The following MYO16 variants were observed in gnomAD, a reference collection of about 807,000 sequenced individuals.
MYO16 encodes unconventional myosin-XVI.
In MYO16, 94 loss-of-function variants were observed where a neutral mutation model predicts 205.3. The observed-to-expected ratio is 0.46, with a 90% CI of 0.39 to 0.54. MYO16 has a LOEUF of 0.54. Among genes scored for constraint, MYO16 ranks in the 20% least tolerant of loss-of-function variants. The pLI is 0.00. For synonymous variants in MYO16, 988 were observed against 954.0 expected (o/e 1.04, Z -0.66); for missense variants, 2,315 against 2,387.5 (o/e 0.97, Z 0.63).
chr13:109,124,463 T>C (rs962165559), intron 29 of MYO16, among the ~76,000 whole-genome samples: 6 of 152,230 alleles, frequency 3.9e-5, no homozygotes, highest in African/African-American at 1.4e-4. Flanking sequence ...TAGAGTGTCT[T>C]ACAGAGGTCC....
At chr13:109,050,139 T>G (rs1341581276) in intron 24 of MYO16, among the ~76,000 whole-genome samples, 1 of 152,122 alleles carries the variant, frequency 6.6e-6, no homozygotes, top group African/African-American at 2.4e-5. Context: ...CATATAAAGT[T>G]TTACCAATTG....
In MYO16 at chr13:108,666,269, T is replaced by A. The variant is rs1881725961; in HGVS notation, c.292+120T>A. The stretch of plus-strand genomic sequence containing the variant: ...AAAAGTCCTTTTAAATATTGGAGGC[T>A]ACTATCTTTTAACTGTTTGTATTAT... On this transcript the variant is annotated intron_variant, in intron 2 of 34. Transcript: ENST00000457511. 7 of 1,133,450 alleles carry A rather than the reference T, an allele frequency of 6.2e-6. No homozygotes were observed. In the South Asian group the frequency reaches 1.2e-4, roughly 19 times the overall value. 70.2% of individuals were successfully genotyped at this position (1,133,450 alleles called of 1,614,324 possible).
chr13:108,677,571 G>T (rs1882286243), intron 2 of MYO16, among the ~76,000 whole-genome samples: 1 of 151,464 alleles, frequency 6.6e-6, no homozygotes, highest in Non-Finnish European at 1.5e-5. Context: ...TATATTTTAG[G>T]GAAGGGGGAA....
the MYO16 span, among the ~76,000 whole-genome samples, chr13:108,556,252 C>T: frequency 5.3e-5 from 8 of 152,068 alleles, no homozygotes; most frequent in Admixed American, 2.6e-4. Context: ...AATTTGTATT[C>T]CCACCAACAG....
chr13:108,666,180 T>C (rs777740347), intron 2 of MYO16, 31 bp downstream of exon 2: 2 of 1,557,510 alleles, frequency 1.3e-6, no homozygotes, highest in Non-Finnish European at 1.7e-6. Flanking sequence ...ACCCGTTTTC[T>C]GATGTGATTT....
chr13:108,648,068 C>T (rs1880832274), intron 1 of MYO16, among the ~76,000 whole-genome samples: 1 of 152,136 alleles, frequency 6.6e-6, no homozygotes, highest in Non-Finnish European at 1.5e-5. Flanking sequence ...TTAAAGTCTC[C>T]CTTTCATCAT....
At chr13:108,794,507 G>A (rs946441937) in intron 6 of MYO16, among the ~76,000 whole-genome samples, 1 of 152,130 alleles carries the variant, frequency 6.6e-6, no homozygotes, top group African/African-American at 2.4e-5. Flanking sequence ...TTTCATTTTA[G>A]TGTTCAGTAA....
chr13:109,203,605 G>A (rs776158323), intron 34 of MYO16, among the ~76,000 whole-genome samples: 6 of 152,034 alleles, frequency 3.9e-5, no homozygotes, highest in African/African-American at 7.2e-5. Context: ...CTTTCATTGC[G>A]AGGTCTTTGT....
chr13:108,976,990 T>C (rs1425695922), intron 20 of MYO16, among the ~76,000 whole-genome samples: 1 of 152,192 alleles, frequency 6.6e-6, no homozygotes, highest in African/African-American at 2.4e-5. Context: ...AGATACATTT[T>C]TCCCCTTCCC....
chr13:109,091,609 G>T (rs4773027), intron 27 of MYO16, among the ~76,000 whole-genome samples: 5 of 152,096 alleles, frequency 3.3e-5, no homozygotes, highest in Non-Finnish European at 7.3e-5. Flanking sequence ...CAGCACTGGC[G>T]ACCGCATTTC....
In MYO16 at chr13:109,125,106, T is replaced by C. The variant is rs1408265794; in HGVS notation, c.3536-6T>C. 1 of 1,613,918 alleles carries C rather than the reference T, an allele frequency of 6.2e-7. No individual in the cohort carries two copies. Among genetic ancestry groups the C allele is most frequent in the Non-Finnish European group, 8.5e-7 (1 of 1,179,912 alleles). The stretch of plus-strand genomic sequence containing the variant: ...CATTTACTAACCCATGATCCTTCTA[T>C]AAAAGTTATCAGAGGATTTTTAGCA... On this transcript the variant is annotated splice_polypyrimidine_tract_variant and splice_region_variant and intron_variant, in intron 29 of 34. Transcript: ENST00000457511. The surrounding 1 kb of genome is among the most constrained non-coding windows in gnomAD (Gnocchi z 4.0).
chr13:108,838,237 ATGT>A (rs1408063893), intron 9 of MYO16, among the ~76,000 whole-genome samples: 3 of 152,128 alleles, frequency 2.0e-5, no homozygotes, highest in Non-Finnish European at 4.4e-5. Context: ...ACACTTTATA[ATGT>A]TGTTGTGAAA....
rs77792932 is a variant in MYO16 at position 109,021,814 on chromosome 13, C to T, written c.2796+1903C>T. ...TTGTCCTCTTAACACTGTTAACTCACGAAGTATTTTTAGACAAAGTAGGAA... is the reference window on the plus strand; with the variant it reads ...TTGTCCTCTTAACACTGTTAACTCATGAAGTATTTTTAGACAAAGTAGGAA... On this transcript the variant is annotated intron_variant, in intron 23 of 34. Transcript: ENST00000457511. Among the ~76,000 whole-genome samples, 710 of 151,664 alleles carry T rather than the reference C, an allele frequency of 4.7e-3. 5 individuals are homozygous for T. The highest frequency in any genetic ancestry group is 0.016 in the African/African-American group (678 of 41,344).
chr13:109,141,527 C>G lies in MYO16; in HGVS notation c.5164+151C>G, dbSNP rs1193819379. Reference sequence around the variant, plus strand: ...GCAGATATCAGCTTTAAAAAAAAATCGTATACACCCACTGTGACCAAATAG... The same window carrying G: ...GCAGATATCAGCTTTAAAAAAAAATGGTATACACCCACTGTGACCAAATAG... On this transcript the variant is annotated intron_variant, in intron 32 of 34. Transcript: ENST00000457511. The surrounding 1 kb of genome is among the most constrained non-coding windows in gnomAD (Gnocchi z 4.1). The G allele has an allele frequency of 8.0e-6, 4 of 497,120 alleles. No homozygotes were observed. Among genetic ancestry groups the G allele is most frequent in the Non-Finnish European group, 1.3e-5 (4 of 298,868 alleles). 30.8% of individuals were successfully genotyped at this position (497,120 alleles called of 1,614,324 possible). A position where few individuals can be genotyped will look rare whatever the true frequency, so the allele number is the denominator to read the frequency against.
chr13:108,658,343 C>T (rs917873442), intron 1 of MYO16, among the ~76,000 whole-genome samples: 10 of 151,442 alleles, frequency 6.6e-5, no homozygotes, highest in African/African-American at 2.4e-4. Flanking sequence ...TCACGTCTTT[C>T]TTCACCTTTC....
intron 32 of MYO16, among the ~76,000 whole-genome samples, chr13:109,153,552 A>G (rs1877803637): frequency 6.6e-6 from 1 of 152,138 alleles, no homozygotes; most frequent in South Asian, 2.1e-4. Context: ...TGAGGTCAGG[A>G]GTTTGTGATC....
intron 2 of MYO16, among the ~76,000 whole-genome samples, chr13:108,690,626 A>C (rs1392053490): frequency 6.6e-6 from 1 of 152,154 alleles, no homozygotes; most frequent in African/African-American, 2.4e-5. Context: ...TTTCTGTTTT[A>C]AAGTTGGCAG....
At chr13:109,087,597 G>A (rs1460966737) in intron 27 of MYO16, among the ~76,000 whole-genome samples, 1 of 152,186 alleles carries the variant, frequency 6.6e-6, no homozygotes, top group East Asian at 1.9e-4. Context: ...AGTGAGCCGA[G>A]ATTGTGCCAC....
chr13:108,881,103 G>A (rs560829583), intron 12 of MYO16, among the ~76,000 whole-genome samples: 2 of 152,260 alleles, frequency 1.3e-5, no homozygotes, highest in Admixed American at 1.3e-4. Context: ...CCAGAGGAAG[G>A]ATCAGGCAGC....
Sources: allele counts gnomAD v4.1 joint callset (sites outside exome capture counted in the v4.1 genomes callset), GRCh38; gene constraint gnomAD v4.1.1; non-coding constraint Gnocchi (gnomAD v3.1); transcripts MANE v1.5; gene names NCBI Gene and HGNC (gene_info 2026-07-23, HGNC 2026-07-21).